Variants in ATP6V0D2 observed in about 807,000 individuals in gnomAD.
ATP6V0D2 encodes the protein ATPase H+ transporting V0 subunit d2.
Under a neutral mutation model 40.0 loss-of-function variants are expected in ATP6V0D2, and 40 were observed. The ratio of observed to expected loss-of-function variants is 1.00; its 90% CI spans 0.78 to 1.30. The LOEUF is 1.30. Ranked by LOEUF, ATP6V0D2 falls within the 50% of genes most tolerant of loss-of-function variation. ATP6V0D2 has a pLI of 0.00. For missense variants in ATP6V0D2, 470 were observed against 423.1 expected, an observed-to-expected ratio of 1.11 and a Z score of -0.97; for synonymous variants, 179 against 156.3, an observed-to-expected ratio of 1.15 and a Z score of -1.08.
intron 1 of ATP6V0D2, 152 bp from the exon 2 acceptor site, chr8:86,113,557 C>T (rs1018246109): frequency 6.8e-6 from 4 of 588,100 alleles, no homozygotes. Flanking sequence ...CTTTACAGAT[C>T]AAGTCTAAAT....
chr8:86,125,951 T>A (rs1480633023), intron 2 of ATP6V0D2, among the ~76,000 whole-genome samples: 1 of 150,070 alleles, frequency 6.7e-6, no homozygotes, highest in African/African-American at 2.4e-5. Context: ...CTTATTTGTT[T>A]TTCTGAGACA....
intron 2 of ATP6V0D2, among the ~76,000 whole-genome samples, chr8:86,116,443 C>T (rs536491709): frequency 8.5e-5 from 13 of 152,108 alleles, no homozygotes; most frequent in Non-Finnish European, 1.6e-4. Context: ...TGGTCTCAAA[C>T]CATCCTCTCA....
intron 1 of ATP6V0D2, among the ~76,000 whole-genome samples, chr8:86,112,794 C>A (rs966102173): frequency 1.3e-5 from 2 of 152,046 alleles, no homozygotes; most frequent in Non-Finnish European, 2.9e-5. Context: ...ACCTGGCAAC[C>A]AAAATGGATG....
At chr8:86,115,906 A>G (rs763154175) in intron 2 of ATP6V0D2, among the ~76,000 whole-genome samples, 1 of 152,196 alleles carries the variant, frequency 6.6e-6, no homozygotes, top group Non-Finnish European at 1.5e-5. Flanking sequence ...AAAATATTCC[A>G]TGAAAACAGA....
chr8:86,113,032 T>C (rs1818544338), intron 1 of ATP6V0D2, among the ~76,000 whole-genome samples: 1 of 152,030 alleles, frequency 6.6e-6, no homozygotes, highest in Non-Finnish European at 1.5e-5. Flanking sequence ...ATCTTTTCCA[T>C]CAAGTTGGGA....
chr8:86,109,122 G>C (rs546574295), intron 1 of ATP6V0D2, among the ~76,000 whole-genome samples: 2 of 152,196 alleles, frequency 1.3e-5, no homozygotes, highest in African/African-American at 4.8e-5. Context: ...TCTGTGGGCG[G>C]CCCATTGTTT....
At position 86,099,221 on chromosome 8, in the gene ATP6V0D2, G is replaced by A. The variant is rs368084483; in HGVS notation, c.130+113G>A. On this transcript the variant is annotated intron_variant, in intron 1 of 7. Transcript: ENST00000285393. Reference sequence around the variant, plus strand: ...TAATCATATGGTTTGAGAGTTCTGAGCAGATCCTTATTCCTGCAGTCCAGA... The same window carrying A: ...TAATCATATGGTTTGAGAGTTCTGAACAGATCCTTATTCCTGCAGTCCAGA... 2.1e-5 allele frequency: 25 copies of A among 1,184,024 alleles called. No individual in the cohort carries two copies. In the East Asian group the frequency reaches 3.7e-4, roughly 17 times the overall value. 73.3% of individuals were successfully genotyped at this position (1,184,024 alleles called of 1,614,324 possible).
intron 5 of ATP6V0D2, among the ~76,000 whole-genome samples, chr8:86,144,613 A>T (rs997508742): frequency 6.6e-6 from 1 of 152,170 alleles, no homozygotes; most frequent in East Asian, 1.9e-4. Flanking sequence ...AAAAGGAAAC[A>T]AAAAAGTTTT....
intron 2 of ATP6V0D2, among the ~76,000 whole-genome samples, chr8:86,114,141 A>T (rs1006889187): frequency 2.2e-4 from 8 of 36,802 alleles, no homozygotes; most frequent in Non-Finnish European, 5.5e-4. Flanking sequence ...TTTTCATTTA[A>T]AAAAAAAAAG....
At chr8:86,134,067 G>T (rs1034184174) in intron 2 of ATP6V0D2, among the ~76,000 whole-genome samples, 2 of 152,064 alleles carry the variant, frequency 1.3e-5, no homozygotes, top group African/African-American at 4.8e-5. Context: ...AATCTTGAAA[G>T]CTATGGGAAA....
chr8:86,146,678 T>A (rs1819074256), intron 5 of ATP6V0D2, among the ~76,000 whole-genome samples: 1 of 152,014 alleles, frequency 6.6e-6, no homozygotes, highest in African/African-American at 2.4e-5. Context: ...GGTGACGGAG[T>A]GAGATCCTGT....
rs1818703594 is a variant in ATP6V0D2, at chr8:86,123,769, A to C, written c.302+9889A>C. ...AAATTAGAGGAAATTATAGAAGTAA[A>C]TAAATCACCCTAAATCTCACCATCA... On this transcript the variant is annotated intron_variant, in intron 2 of 7. Transcript: ENST00000285393. Among the ~76,000 whole-genome samples, 3 of 152,224 alleles carry C rather than the reference A, an allele frequency of 2.0e-5. No homozygotes were observed. In the South Asian group the frequency reaches 6.2e-4, roughly 31 times the overall value.
intron 2 of ATP6V0D2, among the ~76,000 whole-genome samples, chr8:86,129,982 G>GAAAAAAAAAAAAAAAAA (rs869058078): frequency 3.2e-5 from 3 of 92,762 alleles, no homozygotes; most frequent in Admixed American, 1.3e-4. Context: ...GTCTCGAAAA[G>GAAAAAAAAAAAAAAAAA]AAAAAAAAAA....
intron 2 of ATP6V0D2, among the ~76,000 whole-genome samples, chr8:86,122,822 G>A (rs1818687302): frequency 1.3e-5 from 2 of 152,220 alleles, no homozygotes; most frequent in South Asian, 4.1e-4. Context: ...AAAGGATTTT[G>A]TGTTTGGAGA....
At chr8:86,130,076 A>T (rs907873761) in intron 2 of ATP6V0D2, among the ~76,000 whole-genome samples, 1 of 151,928 alleles carries the variant, frequency 6.6e-6, no homozygotes, top group African/African-American at 2.4e-5. Context: ...CTTCGGTCTT[A>T]TTTCCTTCCC....
chr8:86,131,314 C>T (rs1348366977), intron 2 of ATP6V0D2, among the ~76,000 whole-genome samples: 3 of 152,086 alleles, frequency 2.0e-5, no homozygotes, highest in Non-Finnish European at 4.4e-5. Flanking sequence ...ATTCTCCTGC[C>T]TCAGCCTCCC....
intron 1 of ATP6V0D2, among the ~76,000 whole-genome samples, chr8:86,104,850 T>TACAC (rs146266622): frequency 0.083 from 12,049 of 145,996 alleles, 1,411 homozygotes; most frequent in African/African-American, 0.26. Context: ...TTAAAACACA[T>TACAC]ACACACACAC....
chr8:86,132,041 G>C (rs1009477810), intron 2 of ATP6V0D2, among the ~76,000 whole-genome samples: 2 of 152,048 alleles, frequency 1.3e-5, no homozygotes, highest in African/African-American at 4.8e-5. Flanking sequence ...AAGAGTACTT[G>C]AAGTCAGAAC....
chr8:86,151,940 T>C (rs1819159970), intron 7 of ATP6V0D2, among the ~76,000 whole-genome samples: 2 of 152,114 alleles, frequency 1.3e-5, no homozygotes. Context: ...AAAATTGTGT[T>C]ATACTTTAAG....
Sources: allele counts gnomAD v4.1 joint callset (sites outside exome capture counted in the v4.1 genomes callset), GRCh38; gene constraint gnomAD v4.1.1; transcripts MANE v1.5; gene names NCBI Gene and HGNC (gene_info 2026-07-23, HGNC 2026-07-21).